The following BAIAP3 variants were observed in gnomAD, a reference collection of about 807,000 sequenced individuals.
BAIAP3 encodes BAI1-associated protein 3.
A neutral mutation model predicts 149.7 loss-of-function variants in BAIAP3; 180 were observed. The observed-to-expected ratio is 1.20, with a 90% confidence interval of 1.07 to 1.36. BAIAP3 has a LOEUF of 1.36. Among genes scored for constraint, BAIAP3 ranks in the 40% most tolerant of loss-of-function variants. The pLI is 0.00. For synonymous variants in BAIAP3, 845 were observed against 670.7 expected, an observed-to-expected ratio of 1.26 and a Z score of -4.02; for missense variants, 1,767 against 1,563.4, an observed-to-expected ratio of 1.13 and a Z score of -2.20.
At chr16:1,345,703 C>T in intron 22 of BAIAP3, 44 bp from the exon 23 acceptor site, 1 of 1,437,722 alleles carries the variant, frequency 7.0e-7, no homozygotes, top group Non-Finnish European at 9.3e-7. Context: ...CCTCCCCAGC[C>T]TCCCCTGCCT....
chr16:1,345,461 C>T (rs2034262327), intron 22 of BAIAP3, 89 bp downstream of exon 22: 1 of 1,034,496 alleles, frequency 9.7e-7, no homozygotes, highest in African/African-American at 2.7e-5. Context: ...TCCCCAGCAA[C>T]CCCCAGCCTC....
At chr16:1,342,146 C>G (rs1489981135) in intron 10 of BAIAP3, 35 bp from the exon 11 acceptor site, 4 of 1,576,288 alleles carry the variant, frequency 2.5e-6, no homozygotes, top group Non-Finnish European at 3.5e-6. Flanking sequence ...TCCCCAGGAG[C>G]CATCAGCGTG....
chr16:1,344,374 C>T (rs1444798170), intron 17 of BAIAP3, 57 bp downstream of exon 17: 12 of 1,609,938 alleles, frequency 7.5e-6, no homozygotes, highest in Middle Eastern at 1.6e-4. Context: ...CCCTTCCCTG[C>T]CTTCCCGTCC....
Position 1,347,744 on chromosome 16 carries a change from G to C in BAIAP3, c.2948G>C (p.Cys983Ser). The change falls in exon 31 of 34, where the codon TGC (cysteine) becomes TCC (serine). Residue 983 changes from cysteine to serine, a missense_variant. Cys to Ser is a moderately radical substitution (Grantham distance 112, BLOSUM62 -1). Coordinates refer to ENST00000426824, the MANE Select transcript of BAIAP3 (RefSeq NM_001199097.2). ...QNRFGRLSVR[C>S]HYEAAEQRLA... ...CGGTTTGGACGCCTGAGCGTCCGTT[G>C]CCATTACGAGGCGGCTGAGCAGCGG... 6.2e-7 allele frequency: 1 copy of C among 1,610,144 alleles called. No individual in the cohort carries two copies. Among genetic ancestry groups the C allele is most frequent in the Non-Finnish European group, 8.5e-7 (1 of 1,177,846 alleles).
At chr16:1,344,912 C>T (rs1262878710) in intron 20 of BAIAP3, 57 bp from the exon 21 acceptor site, 2 of 1,613,468 alleles carry the variant, frequency 1.2e-6, no homozygotes, top group African/African-American at 2.7e-5. Flanking sequence ...ATGCCCTTGG[C>T]TAGGACGGTC....
intron 15 of BAIAP3, 83 bp from the exon 16 acceptor site, chr16:1,343,939 G>C: frequency 6.3e-7 from 1 of 1,575,864 alleles, no homozygotes; most frequent in Non-Finnish European, 8.6e-7. Flanking sequence ...GGGGAAGGGT[G>C]TTGCGGGCCA....
rs768127774 is a variant in BAIAP3, at chr16:1,344,162, C to T, written c.1511+16C>T. ...TGCTGCTGAAGTGGGTGCAGCGCCG[C>T]GTGTCAGCGTGGGTGGGGGCGGCTG... On this transcript the variant is annotated intron_variant, in intron 16 of 33. Transcript: ENST00000426824. The T allele has an allele frequency of 1.7e-5, 27 of 1,611,912 alleles. No homozygotes were observed. The highest frequency in any genetic ancestry group is 4.0e-5 in the African/African-American group (3 of 74,920).
chr16:1,341,278 C>T lies in BAIAP3; in HGVS notation c.536-16C>T, dbSNP rs760026043. 1.6e-5 allele frequency: 26 copies of T among 1,606,252 alleles called. No individual in the cohort carries two copies. The highest frequency in any genetic ancestry group is 6.7e-5 in the Admixed American group (4 of 59,762). On this transcript the variant is annotated splice_polypyrimidine_tract_variant and intron_variant, in intron 7 of 33. Transcript: ENST00000426824. The stretch of plus-strand genomic sequence containing the variant: ...AGAGGGCGTGGGGCCAGGGCTGAGA[C>T]GCCTGCCGTGCCCAGGCTTCAGCGA...
Position 1,340,908 on chromosome 16 carries a change from G to A in BAIAP3, c.409-14G>A. 1 of 1,562,800 alleles carries A rather than the reference G, an allele frequency of 6.4e-7. No homozygotes were observed. The highest frequency in any genetic ancestry group is 8.7e-7 in the Non-Finnish European group (1 of 1,153,912). On this transcript the variant is annotated splice_polypyrimidine_tract_variant and intron_variant, in intron 5 of 33. Transcript: ENST00000426824. ...GGGTTGCCTAGGCCCTGCCAACCCA[G>A]CCACCCTCCACAGGTGTTTGGCACC...
intron 29 of BAIAP3, 74 bp from the exon 30 acceptor site, chr16:1,347,471 G>C (rs2034457654): frequency 6.3e-7 from 1 of 1,577,854 alleles, no homozygotes; most frequent in Admixed American, 1.8e-5. Context: ...TGGCCCCACG[G>C]GCAGTCAGGT....
chr16:1,346,913 C>T lies in BAIAP3; in HGVS notation c.2709C>T (p.Asp903=), dbSNP rs571575222. Residue 903 remains aspartate (D), a synonymous_variant, in exon 28 of 34, where the codon GAC becomes GAT. Coordinates refer to ENST00000426824, the MANE Select transcript of BAIAP3 (RefSeq NM_001199097.2). ...TGCAGGCGCTGGGTGCAAACCGTGA[C>T]GTCTCTGCTGATTTCTACAGCCGCT... The part of the protein sequence containing the change: ...AILQALGANR[D]VSADFYSRFH... The T allele has an allele frequency of 1.1e-4, 172 of 1,611,434 alleles. No individual in the cohort carries two copies. The highest frequency in any genetic ancestry group is 3.8e-4 in the South Asian group (35 of 90,954).
chr16:1,338,858 G>T, intron 2 of BAIAP3, 44 bp from the exon 3 acceptor site: 1 of 1,609,604 alleles, frequency 6.2e-7, no homozygotes, highest in Non-Finnish European at 8.5e-7. Flanking sequence ...CCAGGCAGGG[G>T]CCAGCGTGCT....
In BAIAP3 at chr16:1,343,026, T is replaced by TGGAGCTACGAGTGGGC. The variant is rs761625466; in HGVS notation, c.1265+13_1265+28dup. 2 of 1,597,188 alleles carry TGGAGCTACGAGTGGGC rather than the reference T, an allele frequency of 1.3e-6. No homozygotes were observed. The highest frequency in any genetic ancestry group is 1.1e-5 in the South Asian group (1 of 90,462). On this transcript the variant is annotated intron_variant, in intron 14 of 33. Coordinates refer to ENST00000426824, the MANE Select transcript of BAIAP3 (RefSeq NM_001199097.2). ...TGCAGCTGGCCGTGCTGTGAGTGGGTGGAGCTACGAGTGGGCGGGGAATGT... is the reference window on the plus strand; with the variant it reads ...TGCAGCTGGCCGTGCTGTGAGTGGGTGGAGCTACGAGTGGGCGGAGCTACGAGTGGGCGGGGAATGT...
intron 1 of BAIAP3, among the ~76,000 whole-genome samples, chr16:1,335,325 C>T (rs2033384675): frequency 6.6e-6 from 1 of 152,262 alleles, no homozygotes; most frequent in Non-Finnish European, 1.5e-5. Flanking sequence ...CCTCTGCTCA[C>T]TGGACAGATG....
intron 1 of BAIAP3, 88 bp from the exon 2 acceptor site, chr16:1,338,452 C>CGGGGGGCG: frequency 4.7e-6 from 1 of 211,092 alleles, no homozygotes; most frequent in African/African-American, 2.4e-5. Context: ...CACCTCTTCC[C>CGGGGGGCG]GCCCCACCCC....
intron 26 of BAIAP3, 45 bp from the exon 27 acceptor site, chr16:1,346,560 G>C (rs921314980): frequency 2.5e-6 from 4 of 1,580,060 alleles, no homozygotes; most frequent in Non-Finnish European, 3.4e-6. Context: ...CTGGGGGTAG[G>C]GCAGAGGTGC....
Position 1,342,921 on chromosome 16 carries a change from C to T in BAIAP3, c.1170C>T (p.Ser390=). 6.2e-7 allele frequency: 1 copy of T among 1,612,328 alleles called. No homozygotes were observed. The highest frequency in any genetic ancestry group is 8.5e-7 in the Non-Finnish European group (1 of 1,179,992). The change falls in exon 14 of 34, where the codon TCC becomes TCT. Residue 390 remains serine (S), a synonymous_variant. Coordinates refer to ENST00000426824, the MANE Select transcript of BAIAP3 (RefSeq NM_001199097.2). The part of the protein sequence containing the change: ...RLEHSAEEPN[S]SSWRGELSTP... ...CAGACCTCCTCCCCCAGCCCAACTC[C>T]AGCAGCTGGCGAGGAGAGCTCAGCA...
Position 1,336,322 on chromosome 16 carries a change from A to G in BAIAP3, c.-10-2218A>G, listed in dbSNP as rs966465000. 8.1e-6 allele frequency: 8 copies of G among 985,242 alleles called. No individual in the cohort carries two copies. The African/African-American group carries it at 1.4e-4, about 17-fold the overall frequency. The allele number at this position is 985,242 out of a possible 1,614,324, so 61.0% of individuals were successfully genotyped here. A position where few individuals can be genotyped will look rare whatever the true frequency, so the allele number is the denominator to read the frequency against. On this transcript the variant is annotated intron_variant, in intron 1 of 33. Transcript: ENST00000426824. ...TGTGGGGGTGACAGCTTCCAGAAGC[A>G]CTGTACCCAGCCTACCAAGCCCCCC...
Position 1,343,385 on chromosome 16 carries a change from C to A in BAIAP3, c.1266-8C>A. 1 of 1,579,680 alleles carries A rather than the reference C, an allele frequency of 6.3e-7. No homozygotes were observed. The highest frequency in any genetic ancestry group is 1.8e-5 in the Admixed American group (1 of 55,326). ...TCATACCCTTTGACCATGGGCCGGG[C>A]CCCACAGGCACTGGCAGGTCAGCAG... On this transcript the variant is annotated splice_region_variant and splice_polypyrimidine_tract_variant and intron_variant, in intron 14 of 33. Transcript: ENST00000426824.
Sources: allele counts gnomAD v4.1 joint callset (sites outside exome capture counted in the v4.1 genomes callset), GRCh38; gene constraint gnomAD v4.1.1; transcripts MANE v1.5; gene names NCBI Gene and HGNC (gene_info 2026-07-23, HGNC 2026-07-21).